The following PEPD variants were observed in gnomAD, a reference collection of about 807,000 sequenced individuals.
The protein encoded by PEPD is peptidase D, also known as xaa-Pro dipeptidase.
PEPD carries 53 observed loss-of-function variants against 60.7 expected under a neutral mutation model. The observed-to-expected ratio is 0.87, with a 90% confidence interval of 0.70 to 1.10. PEPD has a LOEUF of 1.10. Among genes scored for constraint, PEPD ranks in the 50% least tolerant of loss-of-function variants. The pLI, the probability that PEPD is intolerant of heterozygous loss-of-function variation, is 0.00. For synonymous variants in PEPD, 267 were observed against 284.1 expected, an observed-to-expected ratio of 0.94 and a Z score of 0.60; for missense variants, 711 against 711.9, an observed-to-expected ratio of 1.00 and a Z score of 0.01.
At chr19:33,521,404 C>T (rs1010717868) in intron 1 of PEPD, among the ~76,000 whole-genome samples, 2 of 152,230 alleles carry the variant, frequency 1.3e-5, no homozygotes, top group Admixed American at 6.5e-5. Flanking sequence ...CGCCCGGGTC[C>T]CTGGGGTCCT....
chr19:33,462,619 G>A (rs895280767), intron 9 of PEPD, among the ~76,000 whole-genome samples: 1 of 152,212 alleles, frequency 6.6e-6, no homozygotes. Flanking sequence ...CCAGTCGCCC[G>A]AGCACAGCAG....
At chr19:33,409,394 C>A (rs1968712741) in intron 11 of PEPD, among the ~76,000 whole-genome samples, 1 of 152,192 alleles carries the variant, frequency 6.6e-6, no homozygotes, top group African/African-American at 2.4e-5. Flanking sequence ...CAGGGCTGGG[C>A]ACCGTGGCTC....
In PEPD at chr19:33,398,715, C is replaced by G. The variant is rs899551961; in HGVS notation, c.967+3006G>C. Reference sequence around the variant, plus strand: ...GAGTGGCGCCCCTGGGCGACTGCTTCGTGGAGGCTGGATTGGATTTGACAG... The same window carrying G: ...GAGTGGCGCCCCTGGGCGACTGCTTGGTGGAGGCTGGATTGGATTTGACAG... On this transcript the variant is annotated intron_variant, in intron 12 of 14. Coordinates refer to ENST00000244137, the MANE Select transcript of PEPD (RefSeq NM_000285.4). Among the ~76,000 whole-genome samples the G allele has an allele frequency of 2.6e-5, 4 of 152,258 alleles. 1 individual carries two copies. Among genetic ancestry groups the G allele is most frequent in the Non-Finnish European group, 5.9e-5 (4 of 68,042 alleles).
chr19:33,452,533 G>A (rs1398395356), intron 9 of PEPD, among the ~76,000 whole-genome samples: 5 of 151,484 alleles, frequency 3.3e-5, no homozygotes, highest in Non-Finnish European at 7.4e-5. Context: ...CAATAAAGAA[G>A]ATAAAACTCT....
At chr19:33,399,698 C>T (rs1429336250) in intron 12 of PEPD, among the ~76,000 whole-genome samples, 2 of 152,224 alleles carry the variant, frequency 1.3e-5, no homozygotes, top group African/African-American at 4.8e-5. Context: ...GCTGTGGGGC[C>T]GCAGGGACTG....
intron 9 of PEPD, among the ~76,000 whole-genome samples, chr19:33,422,931 T>C (rs1969060658): frequency 6.6e-6 from 1 of 152,120 alleles, no homozygotes; most frequent in Non-Finnish European, 1.5e-5. Context: ...ACGTATCATC[T>C]ATCCATTTAT....
intron 11 of PEPD, among the ~76,000 whole-genome samples, chr19:33,406,795 T>G (rs1042856013): frequency 6.6e-6 from 1 of 152,144 alleles, no homozygotes; most frequent in African/African-American, 2.4e-5. Flanking sequence ...GCTGAGGTCC[T>G]GGGTGAGCGG....
At chr19:33,478,384 C>T (rs557406321) in intron 6 of PEPD, among the ~76,000 whole-genome samples, 22 of 152,272 alleles carry the variant, frequency 1.4e-4, no homozygotes, top group Non-Finnish European at 2.9e-4. Flanking sequence ...TATCAAAATA[C>T]ACACAATAGG....
chr19:33,421,863 C>A (rs1969027077), intron 9 of PEPD, among the ~76,000 whole-genome samples: 1 of 152,136 alleles, frequency 6.6e-6, no homozygotes, highest in Non-Finnish European at 1.5e-5. Flanking sequence ...ACAACTCCCT[C>A]CCTGGTGCAG....
rs752440638 is a variant in PEPD at position 33,391,322 on chromosome 19, G to A, written c.1125C>T (p.Asp375=). ...PHGLGHFLGI[D]VHDVGGYPEG... ...CTGGGTAGCCTCCCACGTCGTGCAC[G>A]TCAATGCCCAGGAAGTGGCCAAGCC... Residue 375 remains aspartate, a synonymous_variant, in exon 13 of 15, where the codon GAC becomes GAT. Coordinates refer to ENST00000244137, the MANE Select transcript of PEPD (RefSeq NM_000285.4). The A allele has an allele frequency of 6.5e-5, 104 of 1,611,940 alleles. 1 individual carries two copies. In the South Asian group the frequency reaches 8.8e-4, roughly 14 times the overall value.
chr19:33,480,678 C>A (rs1970297698), intron 6 of PEPD, among the ~76,000 whole-genome samples: 1 of 152,068 alleles, frequency 6.6e-6, no homozygotes, highest in Non-Finnish European at 1.5e-5. Context: ...GCCTGTAATC[C>A]CAGCTACTCA....
At chr19:33,473,960 T>C (rs149009446) in intron 7 of PEPD, among the ~76,000 whole-genome samples, 207 of 152,182 alleles carry the variant, frequency 1.4e-3, no homozygotes, top group African/African-American at 4.8e-3. Flanking sequence ...CGAACAAAAA[T>C]GAGAAAGCGA....
In PEPD at chr19:33,502,993, G is replaced by A. The variant is rs75267920; in HGVS notation, c.330-1992C>T. On this transcript the variant is annotated intron_variant, in intron 3 of 14. Coordinates refer to ENST00000244137, the MANE Select transcript of PEPD (RefSeq NM_000285.4). ...GGGTGCCAAGGATAATGTGCCTGGA[G>A]AACCCCACGGAACACGGTGGAGGGA... Among the ~76,000 whole-genome samples the A allele has an allele frequency of 5.2e-3, 789 of 152,002 alleles. 33 individuals are homozygous for A. In the East Asian group the frequency reaches 0.11, roughly 20 times the overall value.
intron 11 of PEPD, among the ~76,000 whole-genome samples, chr19:33,403,891 A>G (rs1039986251): frequency 4.6e-5 from 7 of 152,230 alleles, no homozygotes; most frequent in African/African-American, 7.2e-5. Flanking sequence ...TCAGAGTCAC[A>G]GGATCTCTGG....
At chr19:33,482,804 T>C (rs1284499208) in intron 6 of PEPD, among the ~76,000 whole-genome samples, 2 of 152,086 alleles carry the variant, frequency 1.3e-5, no homozygotes, top group Non-Finnish European at 2.9e-5. Flanking sequence ...GTGGTACGTA[T>C]CCATAGAAAA....
rs369759038 is a variant in PEPD at position 33,401,703 on chromosome 19, C to A, written c.967+18G>T. 15 of 1,600,500 alleles carry A rather than the reference C, an allele frequency of 9.4e-6. No homozygotes were observed. Among genetic ancestry groups the A allele is most frequent in the Admixed American group, 6.8e-5 (4 of 58,538 alleles). On this transcript the variant is annotated intron_variant, in intron 12 of 14. Transcript: ENST00000244137. Reference sequence around the variant, plus strand: ...ACGCCACGTCAGATGCGCCTCCCCCCACCGACCCGCTGCTCACCTGGCTTC... The same window carrying A: ...ACGCCACGTCAGATGCGCCTCCCCCAACCGACCCGCTGCTCACCTGGCTTC...
Position 33,387,357 on chromosome 19 carries a change from G to C in PEPD, c.1469C>G (p.Ser490Cys). 6.2e-7 allele frequency: 1 copy of C among 1,614,014 alleles called. No homozygotes were observed. Among genetic ancestry groups the C allele is most frequent in the Non-Finnish European group, 8.5e-7 (1 of 1,180,028 alleles). ...TTCTGGCTGGCTCTACTTGGGGCCA[G>C]AGAAGGGGGTAAAGGCCTTGTCACA... ...AGCDKAFTPF[S>C]GPK is the part of the protein sequence containing the mutation. Residue 490 changes from serine (S) to cysteine (C), a missense_variant, in exon 15 of 15, where the codon TCT becomes TGT. Coordinates refer to ENST00000244137, the MANE Select transcript of PEPD (RefSeq NM_000285.4).
intron 9 of PEPD, among the ~76,000 whole-genome samples, chr19:33,431,119 G>A (rs1568467792): frequency 6.9e-6 from 1 of 145,030 alleles, no homozygotes; most frequent in Non-Finnish European, 1.5e-5. Context: ...AGGAAGGGAG[G>A]AAGGGAGAGA....
At chr19:33,409,368 G>A (rs942965385) in intron 11 of PEPD, among the ~76,000 whole-genome samples, 4 of 152,224 alleles carry the variant, frequency 2.6e-5, no homozygotes, top group Non-Finnish European at 5.9e-5. Flanking sequence ...GGGTTAAAGA[G>A]CTTTAGAAAA....
Sources: gnomAD v4.1 joint callset for allele counts (sites outside exome capture counted in the v4.1 genomes callset) on GRCh38, gnomAD v4.1.1 for gene constraint, MANE v1.5 for transcripts, NCBI Gene and HGNC (gene_info 2026-07-23, HGNC 2026-07-21) for gene names.